GRM8: variants seen among roughly 807,000 people sequenced by gnomAD.
The protein encoded by GRM8 is glutamate metabotropic receptor 8.
GRM8 carries 47 observed loss-of-function variants against 87.2 expected under a neutral mutation model. The observed-to-expected ratio is 0.54, with a 90% confidence interval of 0.43 to 0.69. The LOEUF is 0.69. GRM8 is among the 30% of genes least tolerant of loss of function. GRM8 has a pLI of 0.00. For missense variants in GRM8, 1,019 were observed against 1,139.2 expected (o/e 0.89, Z 1.52); for synonymous variants, 396 against 404.5 (o/e 0.98, Z 0.25).
At chr7:126,519,580 T>C (rs1812675764) in intron 9 of GRM8, among the ~76,000 whole-genome samples, 1 of 151,920 alleles carries the variant, frequency 6.6e-6, no homozygotes, top group African/African-American at 2.4e-5. Flanking sequence ...GCTCAAACAG[T>C]GCTGTTAGTA....
chr7:126,696,324 C>T (rs1216338923), intron 7 of GRM8, among the ~76,000 whole-genome samples: 1 of 152,150 alleles, frequency 6.6e-6, no homozygotes, highest in Non-Finnish European at 1.5e-5. Context: ...ATCAACCCAT[C>T]ACCTAGGTAT....
chr7:126,619,434 A>G (rs1366826361), intron 7 of GRM8, among the ~76,000 whole-genome samples: 1 of 152,098 alleles, frequency 6.6e-6, no homozygotes, highest in African/African-American at 2.4e-5. Flanking sequence ...TAATGGGTAC[A>G]GCACACCAAC....
At chr7:126,475,092 G>A (rs764934464) in intron 9 of GRM8, among the ~76,000 whole-genome samples, 1 of 151,986 alleles carries the variant, frequency 6.6e-6, no homozygotes, top group Non-Finnish European at 1.5e-5. Context: ...GCCTACTTTT[G>A]CCATTTCTAT....
chr7:126,447,358 G>C (rs947439041), intron 9 of GRM8, among the ~76,000 whole-genome samples: 1 of 151,652 alleles, frequency 6.6e-6, no homozygotes, highest in South Asian at 2.1e-4. Context: ...CAAATAACTT[G>C]GGATACTGAG....
chr7:127,086,687 T>G (rs1823542487), intron 3 of GRM8, among the ~76,000 whole-genome samples: 1 of 152,224 alleles, frequency 6.6e-6, no homozygotes, highest in African/African-American at 2.4e-5. Flanking sequence ...ATCTTGGCTC[T>G]AAACTTTGAA....
intron 8 of GRM8, among the ~76,000 whole-genome samples, chr7:126,555,426 G>C (rs1323294104): frequency 6.6e-6 from 1 of 152,180 alleles, no homozygotes; most frequent in African/African-American, 2.4e-5. Flanking sequence ...ACAATGCTAA[G>C]AACAGCTATA....
At chr7:126,849,115 C>T (rs1243352213) in intron 6 of GRM8, among the ~76,000 whole-genome samples, 2 of 152,032 alleles carry the variant, frequency 1.3e-5, no homozygotes, top group South Asian at 4.2e-4. Flanking sequence ...CAGGTCACTC[C>T]CACAACACAT....
intron 3 of GRM8, among the ~76,000 whole-genome samples, chr7:127,073,907 A>C (rs549148538): frequency 6.6e-6 from 1 of 152,338 alleles, no homozygotes; most frequent in African/African-American, 2.4e-5. Context: ...TTTTGTAAGG[A>C]GTTTTTGTCC....
At chr7:126,653,300 C>CAA (rs35546815) in intron 7 of GRM8, among the ~76,000 whole-genome samples, 3,012 of 108,920 alleles carry the variant, frequency 0.028, 162 homozygotes, top group African/African-American at 0.098. Context: ...ATCCTGTCTC[C>CAA]AAAAAAAAAA....
At position 126,636,726 on chromosome 7, in the gene GRM8, A is replaced by G. The variant is rs78216551; in HGVS notation, c.1358-27228T>C. Among the ~76,000 whole-genome samples, 1,201 of 152,122 alleles carry G rather than the reference A, an allele frequency of 7.9e-3. 6 individuals carry two copies. Among genetic ancestry groups the G allele is most frequent in the Middle Eastern group, 0.014 (4 of 292 alleles). The stretch of plus-strand genomic sequence containing the variant: ...ATCTAAGTCTGTAGGTTATCTCATT[A>G]GTTAATTTGTTCTTATACCCTAACT... On this transcript the variant is annotated intron_variant, in intron 7 of 10. Transcript: ENST00000339582.
chr7:126,584,449 C>G (rs1178053329), intron 8 of GRM8, among the ~76,000 whole-genome samples: 1 of 152,146 alleles, frequency 6.6e-6, no homozygotes, highest in Non-Finnish European at 1.5e-5. Flanking sequence ...TGACACTAAC[C>G]TGTAATATCT....
At chr7:126,587,909 TA>T (rs74603340) in intron 8 of GRM8, among the ~76,000 whole-genome samples, 28,232 of 142,446 alleles carry the variant, frequency 0.2, 2,662 homozygotes, top group South Asian at 0.25. Flanking sequence ...ATCCCAAGAT[TA>T]AAAAAAAAAA....
rs553095763 is a variant in GRM8 at position 126,472,744 on chromosome 7, G to A, written c.2431-26372C>T. Among the ~76,000 whole-genome samples, 4 of 152,290 alleles carry A rather than the reference G, an allele frequency of 2.6e-5. 1 individual carries two copies. Among genetic ancestry groups the A allele is most frequent in the African/African-American group, 9.6e-5 (4 of 41,576 alleles). ...TTTATGGCACCTCCTCCCATCACAG[G>A]CCTGGAGGCCTGGGTGGAAAAATGG... On this transcript the variant is annotated intron_variant, in intron 9 of 10. Coordinates refer to ENST00000339582, the MANE Select transcript of GRM8 (RefSeq NM_000845.3).
At chr7:126,763,497 A>ACAC (rs1817834653) in intron 7 of GRM8, among the ~76,000 whole-genome samples, 1 of 142,402 alleles carries the variant, frequency 7.0e-6, no homozygotes, top group Admixed American at 7.1e-5. Flanking sequence ...ACACACACAC[A>ACAC]ATTGTAGAAT....
At chr7:126,879,156 A>T (rs1156683015) in intron 6 of GRM8, among the ~76,000 whole-genome samples, 6 of 107,032 alleles carry the variant, frequency 5.6e-5, no homozygotes, top group Non-Finnish European at 1.1e-4. Context: ...GAGTAGTGAG[A>T]CTCTGTCTTG....
At chr7:126,828,444 G>C (rs1795034243) in intron 6 of GRM8, among the ~76,000 whole-genome samples, 2 of 152,084 alleles carry the variant, frequency 1.3e-5, no homozygotes, top group Non-Finnish European at 2.9e-5. Context: ...GTCTTCGGAG[G>C]GTGTATCTGT....
At chr7:127,071,914 A>G (rs1185545621) in intron 3 of GRM8, among the ~76,000 whole-genome samples, 1 of 151,782 alleles carries the variant, frequency 6.6e-6, no homozygotes, top group East Asian at 1.9e-4. Context: ...TGCTTTCAGT[A>G]TTTTCCCTCT....
intron 3 of GRM8, among the ~76,000 whole-genome samples, chr7:126,933,199 A>T (rs1279560930): frequency 6.6e-6 from 1 of 152,214 alleles, no homozygotes; most frequent in East Asian, 1.9e-4. Flanking sequence ...TGACAGAAAC[A>T]CATTTATCTT....
At chr7:126,836,199 G>A (rs140740032) in intron 6 of GRM8, among the ~76,000 whole-genome samples, 67 of 152,032 alleles carry the variant, frequency 4.4e-4, no homozygotes, top group African/African-American at 1.2e-3. Flanking sequence ...AAGTCCTCTC[G>A]AAGGTTAAAA....
Sources: allele counts gnomAD v4.1 joint callset (sites outside exome capture counted in the v4.1 genomes callset), GRCh38; gene constraint gnomAD v4.1.1; transcripts MANE v1.5; gene names NCBI Gene and HGNC (gene_info 2026-07-23, HGNC 2026-07-21).